The following ZKSCAN1 variants were observed in gnomAD, a reference collection of about 807,000 sequenced individuals.
The protein encoded by ZKSCAN1 is zinc finger protein with KRAB and SCAN domains 1.
In ZKSCAN1, 14 loss-of-function variants were observed where a neutral mutation model predicts 51.6. The observed-to-expected ratio is 0.27, with a 90% CI of 0.18 to 0.42. The LOEUF is 0.42. Ranked by LOEUF, ZKSCAN1 falls within the 10% of genes least tolerant of loss-of-function variation. The probability of loss-of-function intolerance (pLI) is 1.00; values close to 1 mark genes in which losing one functional copy is unlikely to be tolerated. For missense variants in ZKSCAN1, 531 were observed against 710.0 expected (o/e 0.75, Z 2.86); for synonymous variants, 263 against 261.5 (o/e 1.01, Z -0.06).
chr7:100,045,016 G>C (rs1216584274), downstream of ZKSCAN1: 3 of 970,596 alleles, frequency 3.1e-6, no homozygotes, highest in Non-Finnish European at 3.7e-6. Flanking sequence ...ACACCTTACT[G>C]GAAATGGAAG....
intron 3 of ZKSCAN1, chr7:100,024,534 C>T: frequency 1.9e-6 from 1 of 527,726 alleles, no homozygotes. Flanking sequence ...GTTGAGGCTG[C>T]AGTGAGCTGT....
At chr7:100,028,498 G>A (rs1436183661) in intron 3 of ZKSCAN1, among the ~76,000 whole-genome samples, 1 of 150,576 alleles carries the variant, frequency 6.6e-6, no homozygotes, top group Non-Finnish European at 1.5e-5. Flanking sequence ...GGGTGACAGA[G>A]AGCCTATCTT....
chr7:100,034,250 A>C lies in ZKSCAN1; in HGVS notation c.*53A>C. 6.7e-7 allele frequency: 1 copy of C among 1,500,008 alleles called. No individual in the cohort carries two copies. The highest frequency in any genetic ancestry group is 2.3e-5 in the East Asian group (1 of 44,022). The allele number at this position is 1,500,008 out of a possible 1,614,324, so 92.9% of individuals were successfully genotyped here. A position where few individuals can be genotyped will look rare whatever the true frequency, so the allele number is the denominator to read the frequency against. ...CCCCTTTTGTTTCTAAAATTATTTC[A>C]GAGATGTGTGCTCCTGGAGGGAAAA... On this transcript the variant is annotated 3_prime_UTR_variant, in exon 6 of 6. Transcript: ENST00000324306.
Position 100,020,524 on chromosome 7 carries a change from G to A in ZKSCAN1, c.-88-2895G>A, listed in dbSNP as rs188746966. On this transcript the variant is annotated intron_variant, in intron 1 of 5. Coordinates refer to ENST00000324306, the MANE Select transcript of ZKSCAN1 (RefSeq NM_003439.4). Reference sequence around the variant, plus strand: ...CATGGAACTAGATTAAAAAAAATAAGTATGGCCTGTAATCCCAGCTACTCA... The same window carrying A: ...CATGGAACTAGATTAAAAAAAATAAATATGGCCTGTAATCCCAGCTACTCA... 1.7e-3 allele frequency among the ~76,000 whole-genome samples: 266 copies of A among 152,150 alleles called. 1 individual carries two copies. Among genetic ancestry groups the A allele is most frequent in the Non-Finnish European group, 3.2e-3 (219 of 67,998 alleles).
At chr7:100,021,197 T>C (rs1790575357) in intron 1 of ZKSCAN1, among the ~76,000 whole-genome samples, 1 of 139,544 alleles carries the variant, frequency 7.2e-6, no homozygotes, top group Admixed American at 7.8e-5. Context: ...CTCAGTTCAC[T>C]GCAACCTCAG....
At chr7:100,023,978 T>C in intron 2 of ZKSCAN1, 46 bp downstream of exon 2, 2 of 1,528,764 alleles carry the variant, frequency 1.3e-6, no homozygotes, top group Non-Finnish European at 1.7e-6. Context: ...GCACAGACGT[T>C]GAAACTGGAG....
At chr7:100,029,778 A>G in intron 3 of ZKSCAN1, 83 bp from the exon 4 acceptor site, 3 of 1,290,118 alleles carry the variant, frequency 2.3e-6, no homozygotes, top group Non-Finnish European at 3.3e-6. Flanking sequence ...ATGCTGGTGC[A>G]GGAAGGAACA....
At chr7:100,032,868 C>T (rs1791171031) in intron 5 of ZKSCAN1, among the ~76,000 whole-genome samples, 2 of 152,118 alleles carry the variant, frequency 1.3e-5, no homozygotes, top group African/African-American at 2.4e-5. Flanking sequence ...ATTAGCCGGG[C>T]GTGGTGGCGG....
chr7:100,028,994 G>A (rs1450175362), intron 3 of ZKSCAN1, among the ~76,000 whole-genome samples: 5 of 151,620 alleles, frequency 3.3e-5, no homozygotes, highest in Admixed American at 3.3e-4. Flanking sequence ...GAGAAACCCC[G>A]CCTCTACTAA....
intron 3 of ZKSCAN1, among the ~76,000 whole-genome samples, chr7:100,025,818 G>GCT (rs1278594983): frequency 6.6e-6 from 1 of 152,188 alleles, no homozygotes; most frequent in Non-Finnish European, 1.5e-5. Context: ...AGGCACAGTG[G>GCT]CTCACGCCTG....
intron 1 of ZKSCAN1, among the ~76,000 whole-genome samples, chr7:100,022,278 C>T (rs1790624284): frequency 6.6e-6 from 1 of 152,226 alleles, no homozygotes; most frequent in Non-Finnish European, 1.5e-5. Flanking sequence ...TGGTCCCGAT[C>T]TCCTGACCTC....
chr7:100,042,846 G>T (rs1791634654), downstream of ZKSCAN1, among the ~76,000 whole-genome samples: 1 of 145,930 alleles, frequency 6.9e-6, no homozygotes, highest in South Asian at 2.1e-4. Flanking sequence ...CTCCCAGGCT[G>T]GCGTGCAGTG....
At chr7:100,029,259 T>G (rs1342463600) in intron 3 of ZKSCAN1, among the ~76,000 whole-genome samples, 1 of 151,938 alleles carries the variant, frequency 6.6e-6, no homozygotes, top group Non-Finnish European at 1.5e-5. Context: ...GTGTTTTTTT[T>G]GTTGTTGTTT....
intron 1 of ZKSCAN1, among the ~76,000 whole-genome samples, chr7:100,021,217 T>G (rs1790576427): frequency 6.9e-6 from 1 of 144,476 alleles, no homozygotes; most frequent in Admixed American, 7.2e-5. Context: ...GCCTCCTGGG[T>G]TCAAGCGATT....
chr7:100,029,737 G>A, intron 3 of ZKSCAN1, 124 bp from the exon 4 acceptor site: 1 of 848,638 alleles, frequency 1.2e-6, no homozygotes, highest in South Asian at 1.8e-5. Flanking sequence ...CTGGAATTCT[G>A]TATTTGGGAC....
At position 100,041,610 on chromosome 7, in the gene ZKSCAN1, G is replaced by T. The variant is rs1394177525; in HGVS notation, c.*7413G>T. 7 of 985,444 alleles carry T rather than the reference G, an allele frequency of 7.1e-6. No individual in the cohort carries two copies. In the South Asian group the frequency reaches 1.9e-4, roughly 26 times the overall value. The allele number at this position is 985,444 out of a possible 1,614,324, so 61.0% of individuals were successfully genotyped here. A position where few individuals can be genotyped will look rare whatever the true frequency, so the allele number is the denominator to read the frequency against. On this transcript the variant is annotated 3_prime_UTR_variant, in exon 6 of 6. Transcript: ENST00000324306. ...AGTAGTGAGGTTGAGGAAGGAAATT[G>T]TGGGGATTTGAAATATTCTCTTTAT...
At chr7:100,043,022 G>C (rs1016196247), downstream of ZKSCAN1, among the ~76,000 whole-genome samples, 7 of 152,108 alleles carry the variant, frequency 4.6e-5, no homozygotes, top group East Asian at 1.9e-4. Flanking sequence ...GGATGGTCTC[G>C]ATCTCCTGAC....
intron 4 of ZKSCAN1, 136 bp downstream of exon 4, chr7:100,030,088 T>A: frequency 1.4e-6 from 2 of 1,390,932 alleles, no homozygotes; most frequent in Non-Finnish European, 2.0e-6. Context: ...CCTTTTAGCA[T>A]CTTTCTACCA....
At position 100,037,124 on chromosome 7, in the gene ZKSCAN1, T is replaced by A. The variant is rs1791398442; in HGVS notation, c.*2927T>A. 1.0e-6 allele frequency: 1 copy of A among 985,294 alleles called. No homozygotes were observed. The highest frequency in any genetic ancestry group is 6.2e-5 in the Admixed American group (1 of 16,256). 61.0% of individuals were successfully genotyped at this position (985,294 alleles called of 1,614,324 possible). A position where few individuals can be genotyped will look rare whatever the true frequency, so the allele number is the denominator to read the frequency against. ...CGTTTATCAGATGCTCAGTGCAAAG[T>A]GTAATTGGGTCATGGTCAAAAACGC... On this transcript the variant is annotated 3_prime_UTR_variant, in exon 6 of 6. Coordinates refer to ENST00000324306, the MANE Select transcript of ZKSCAN1 (RefSeq NM_003439.4).
Sources: gnomAD v4.1 joint callset for allele counts (sites outside exome capture counted in the v4.1 genomes callset) on GRCh38, gnomAD v4.1.1 for gene constraint, MANE v1.5 for transcripts, NCBI Gene and HGNC (gene_info 2026-07-23, HGNC 2026-07-21) for gene names.